The following COPB2 variants were observed in gnomAD, a reference collection of about 807,000 sequenced individuals.
The protein encoded by COPB2 is coat protein complex I subunit beta 2.
In COPB2, 16 loss-of-function variants were observed where a neutral mutation model predicts 120.8. That is an observed-to-expected ratio of 0.13 (90% CI 0.09 to 0.20). The LOEUF (loss-of-function observed/expected upper bound fraction) is 0.20, where lower values mean the gene tolerates loss of function less well. Ranked by LOEUF, COPB2 falls within the 10% of genes least tolerant of loss-of-function variation. COPB2 has a pLI of 1.00. For missense variants in COPB2, 794 were observed against 1,076.5 expected, an observed-to-expected ratio of 0.74 and a Z score of 3.67; for synonymous variants, 332 against 366.3, an observed-to-expected ratio of 0.91 and a Z score of 1.07.
At chr3:139,387,266 A>AAAAGAAAAG (rs1405136559) in intron 1 of COPB2, among the ~76,000 whole-genome samples, 6 of 149,160 alleles carry the variant, frequency 4.0e-5, no homozygotes, top group African/African-American at 1.3e-4. Flanking sequence ...AAAGAAAAGA[A>AAAAGAAAAG]AAAGAAAAGA....
intron 5 of COPB2, 36 bp downstream of exon 5, chr3:139,378,005 A>G: frequency 6.7e-7 from 1 of 1,495,034 alleles, no homozygotes; most frequent in East Asian, 2.3e-5. Context: ...ATAGTTCACT[A>G]ATAATGATAA....
At chr3:139,368,016 C>T in intron 13 of COPB2, 129 bp downstream of exon 13, 1 of 924,756 alleles carries the variant, frequency 1.1e-6, no homozygotes, top group Non-Finnish European at 1.5e-6. Flanking sequence ...CACATTTCAC[C>T]AGAAATCCTT....
At chr3:139,364,224 G>A (rs559566218) in intron 15 of COPB2, among the ~76,000 whole-genome samples, 3 of 152,272 alleles carry the variant, frequency 2.0e-5, no homozygotes, top group Admixed American at 6.5e-5. Flanking sequence ...CACCCAGTGT[G>A]TCTCATGAAT....
intron 13 of COPB2, among the ~76,000 whole-genome samples, chr3:139,367,408 C>G (rs1941538370): frequency 6.6e-6 from 1 of 151,938 alleles, no homozygotes; most frequent in South Asian, 2.1e-4. Context: ...CTGCCTCAGC[C>G]TCCCAAGTAT....
chr3:139,375,064 T>C (rs1941690266), intron 6 of COPB2, among the ~76,000 whole-genome samples: 1 of 152,194 alleles, frequency 6.6e-6, no homozygotes, highest in South Asian at 2.1e-4. Flanking sequence ...TATCAAAATA[T>C]AAGAAAATCT....
chr3:139,379,613 T>A, intron 2 of COPB2, 147 bp from the exon 3 acceptor site: 1 of 635,718 alleles, frequency 1.6e-6, no homozygotes, highest in Non-Finnish European at 2.6e-6. Flanking sequence ...AACATTCAAA[T>A]TTTTAAAAAA....
At chr3:139,365,798 T>C (rs991544458) in intron 15 of COPB2, among the ~76,000 whole-genome samples, 2 of 152,008 alleles carry the variant, frequency 1.3e-5, no homozygotes, top group African/African-American at 4.8e-5. Flanking sequence ...AAACAAACAA[T>C]TGCAGGAAAG....
intron 2 of COPB2, 145 bp downstream of exon 2, chr3:139,383,153 C>T (rs1347208630): frequency 1.1e-6 from 1 of 893,214 alleles, no homozygotes; most frequent in African/African-American, 1.6e-5. Context: ...AATGTTAGTT[C>T]CTTCATATTT....
chr3:139,372,212 C>A (rs1941635783), intron 9 of COPB2, among the ~76,000 whole-genome samples: 1 of 152,142 alleles, frequency 6.6e-6, no homozygotes, highest in South Asian at 2.1e-4. Flanking sequence ...GACATTTATA[C>A]CACAGGAAGG....
intron 7 of COPB2, 96 bp from the exon 8 acceptor site, chr3:139,373,904 C>A: frequency 7.0e-7 from 1 of 1,437,898 alleles, no homozygotes; most frequent in Middle Eastern, 2.0e-4. Flanking sequence ...TCTATTCAAA[C>A]AGATAACACT....
intron 5 of COPB2, 134 bp from the exon 6 acceptor site, chr3:139,375,748 C>A: frequency 8.6e-7 from 1 of 1,156,436 alleles, no homozygotes; most frequent in Non-Finnish European, 1.2e-6. Flanking sequence ...ATTTTTTATC[C>A]TGTTTGGTTT....
chr3:139,375,751 T>C, intron 5 of COPB2, 137 bp from the exon 6 acceptor site: 1 of 1,140,110 alleles, frequency 8.8e-7, no homozygotes, highest in East Asian at 2.7e-5. Flanking sequence ...TTTTATCCTG[T>C]TTGGTTTTTG....
rs79405042 is a variant in COPB2 at position 139,358,951 on chromosome 3, C to T, written c.2484+47G>A. The T allele has an allele frequency of 8.9e-3, 14,158 of 1,598,010 alleles. 83 individuals are homozygous for T. The highest frequency in any genetic ancestry group is 0.01 in the Non-Finnish European group (11,822 of 1,170,328). On this transcript the variant is annotated intron_variant, in intron 19 of 21. Transcript: ENST00000333188. ...AAAATCTGAAGTCCTGAATGTACTT[C>T]CACCCTGTAGTTACAATAAATGAAG...
chr3:139,388,405 T>TGGG (rs11283833), intron 1 of COPB2: 3 of 140,462 alleles, frequency 2.1e-5, no homozygotes, highest in East Asian at 2.4e-4. Flanking sequence ...CCATGGATTG[T>TGGG]GGGGGGGGGT....
At position 139,357,623 on chromosome 3, in the gene COPB2, ATAGTAT is replaced by A. The variant is rs1941314566; in HGVS notation, c.*234_*239del. 1 of 363,402 alleles carries A rather than the reference ATAGTAT, an allele frequency of 2.8e-6. No individual in the cohort carries two copies. The highest frequency in any genetic ancestry group is 4.9e-6 in the Non-Finnish European group (1 of 204,148). The allele number at this position is 363,402 out of a possible 1,614,324, so 22.5% of individuals were successfully genotyped here. A position where few individuals can be genotyped will look rare whatever the true frequency, so the allele number is the denominator to read the frequency against. On this transcript the variant is annotated 3_prime_UTR_variant, in exon 22 of 22. Transcript: ENST00000333188. ...AAAAGGTTTTATGAGATATGGTCTA[ATAGTAT>A]GAAAAAAATCAAAGCCCATGTCTGT...
intron 10 of COPB2, among the ~76,000 whole-genome samples, chr3:139,370,377 G>A (rs1240308804): frequency 6.6e-6 from 1 of 152,210 alleles, no homozygotes; most frequent in Non-Finnish European, 1.5e-5. Flanking sequence ...ATTTCACCAT[G>A]CAACTCAGAA....
intron 9 of COPB2, 149 bp from the exon 10 acceptor site, chr3:139,371,982 C>A: frequency 1.7e-6 from 1 of 604,022 alleles, no homozygotes. Flanking sequence ...AAAAGTTATA[C>A]ATTTCTTTGA....
At chr3:139,380,350 A>G (rs1323019785) in intron 2 of COPB2, 2 of 152,176 alleles carry the variant, frequency 1.3e-5, no homozygotes. Flanking sequence ...TGACTCATGA[A>G]TAAGGTACAA....
chr3:139,385,361 C>T (rs2107811398), intron 1 of COPB2: 1 of 152,302 alleles, frequency 6.6e-6, no homozygotes, highest in Non-Finnish European at 1.5e-5. Context: ...ATTCACAAAT[C>T]ACAATTTTGT....
Sources: gnomAD v4.1 joint callset for allele counts (sites outside exome capture counted in the v4.1 genomes callset) on GRCh38, gnomAD v4.1.1 for gene constraint, MANE v1.5 for transcripts, NCBI Gene and HGNC (gene_info 2026-07-23, HGNC 2026-07-21) for gene names.